Variants in NECTIN2 observed in about 807,000 individuals in gnomAD.
NECTIN2 encodes the protein nectin cell adhesion molecule 2.
In NECTIN2, 23 loss-of-function variants were observed where a neutral mutation model predicts 56.9. That is an observed-to-expected ratio of 0.40 (90% CI 0.29 to 0.57). The LOEUF (loss-of-function observed/expected upper bound fraction) is 0.57, where lower values mean the gene tolerates loss of function less well. NECTIN2 is among the 20% of genes least tolerant of loss of function. The probability of loss-of-function intolerance (pLI) is 0.38; values close to 1 mark genes in which losing one functional copy is unlikely to be tolerated. For synonymous variants in NECTIN2, 302 were observed against 313.8 expected (o/e 0.96, Z 0.40); for missense variants, 587 against 718.3 (o/e 0.82, Z 2.09).
At chr19:44,858,553 C>T (rs2122644696) in intron 1 of NECTIN2, among the ~76,000 whole-genome samples, 1 of 152,044 alleles carries the variant, frequency 6.6e-6, no homozygotes, top group South Asian at 2.1e-4. Flanking sequence ...GAACTCCTGA[C>T]CTCAGGGTGA....
intron 5 of NECTIN2, among the ~76,000 whole-genome samples, chr19:44,881,203 A>G (rs1969304250): frequency 6.6e-6 from 1 of 151,898 alleles, no homozygotes; most frequent in Non-Finnish European, 1.5e-5. Flanking sequence ...TCACTGCCCC[A>G]AGCCCTAACC....
At chr19:44,873,414 C>T (rs922576515) in intron 3 of NECTIN2, among the ~76,000 whole-genome samples, 2 of 152,166 alleles carry the variant, frequency 1.3e-5, no homozygotes, top group African/African-American at 4.8e-5. Context: ...GGGCAGATCA[C>T]TTGAGGTCAG....
intron 1 of NECTIN2, among the ~76,000 whole-genome samples, chr19:44,855,556 G>A (rs190322742): frequency 3.9e-5 from 6 of 151,986 alleles, no homozygotes; most frequent in African/African-American, 1.2e-4. Context: ...TTCGTTCATC[G>A]TCCCTCCCTC....
intron 5 of NECTIN2, among the ~76,000 whole-genome samples, chr19:44,880,799 G>A (rs1444680450): frequency 6.7e-6 from 1 of 148,174 alleles, no homozygotes; most frequent in Non-Finnish European, 1.5e-5. Flanking sequence ...TTTTAAGACG[G>A]AGTTTCACTC....
intron 1 of NECTIN2, among the ~76,000 whole-genome samples, chr19:44,848,553 T>G (rs888225314): frequency 2.6e-5 from 4 of 152,108 alleles, no homozygotes; most frequent in Non-Finnish European, 5.9e-5. Flanking sequence ...TGATTCCCTG[T>G]GAAACCTCTT....
intron 8 of NECTIN2, among the ~76,000 whole-genome samples, chr19:44,887,596 G>A (rs763409892): frequency 5.9e-5 from 9 of 152,156 alleles, no homozygotes; most frequent in Non-Finnish European, 1.3e-4. Context: ...AGTGAGCCCA[G>A]ATTGCACCAT....
At chr19:44,884,032 G>T (rs977269453) in intron 6 of NECTIN2, among the ~76,000 whole-genome samples, 2 of 151,870 alleles carry the variant, frequency 1.3e-5, no homozygotes, top group African/African-American at 4.8e-5. Flanking sequence ...AGGTGGGGGT[G>T]GGGGCATGTG....
At chr19:44,847,403 C>A (rs1381501512) in intron 1 of NECTIN2, among the ~76,000 whole-genome samples, 1 of 151,980 alleles carries the variant, frequency 6.6e-6, no homozygotes. Flanking sequence ...CAGGGGGCTT[C>A]GTTTTCAGGG....
intron 6 of NECTIN2, among the ~76,000 whole-genome samples, chr19:44,885,331 A>AATT (rs1969349384): frequency 4.2e-5 from 5 of 118,584 alleles, no homozygotes; most frequent in Admixed American, 9.3e-5. Context: ...TTTTTTTTTA[A>AATT]TTTGAGATGG....
At chr19:44,881,162 C>A (rs1292397381) in intron 5 of NECTIN2, among the ~76,000 whole-genome samples, 1 of 152,056 alleles carries the variant, frequency 6.6e-6, no homozygotes, top group Non-Finnish European at 1.5e-5. Context: ...CCCGCCTCGC[C>A]CTCCCAAAGC....
At chr19:44,857,124 T>C (rs936048377) in intron 1 of NECTIN2, among the ~76,000 whole-genome samples, 1 of 151,788 alleles carries the variant, frequency 6.6e-6, no homozygotes, top group African/African-American at 2.4e-5. Flanking sequence ...ATTCAGAAAA[T>C]AGGATTAAGT....
chr19:44,847,767 T>G (rs1243382524), intron 1 of NECTIN2, among the ~76,000 whole-genome samples: 1 of 152,118 alleles, frequency 6.6e-6, no homozygotes, highest in Non-Finnish European at 1.5e-5. Context: ...CTCCCCGGTT[T>G]CGGGACCTTA....
At chr19:44,863,132 G>A (rs570472770) in intron 1 of NECTIN2, among the ~76,000 whole-genome samples, 45 of 151,562 alleles carry the variant, frequency 3.0e-4, no homozygotes, top group African/African-American at 8.5e-4. Flanking sequence ...ACTGCACTCC[G>A]GCCTGGGCAA....
In NECTIN2 at chr19:44,865,330, G is replaced by A. The variant is rs373335144; in HGVS notation, c.148G>A (p.Val50Met). 51 of 1,613,942 alleles carry A rather than the reference G, an allele frequency of 3.2e-5. No homozygotes were observed. In the Admixed American group the frequency reaches 3.3e-4, roughly 11 times the overall value. Residue 50 changes from valine (V) to methionine (M), a missense_variant, in exon 2 of 9, where the codon GTG becomes ATG. Coordinates refer to ENST00000252483, the MANE Select transcript of NECTIN2 (RefSeq NM_001042724.2). The surrounding 1 kb of genome is among the most constrained non-coding windows in gnomAD (Gnocchi z 5.2). ...GGTGCGAGGCCAGCTCGGGGGCACC[G>A]TGGAGCTGCCGTGCCACCTGCTGCC... ...PEVRGQLGGT[V>M]ELPCHLLPPV...
At chr19:44,880,433 G>A (rs991340106) in intron 5 of NECTIN2, among the ~76,000 whole-genome samples, 17 of 148,672 alleles carry the variant, frequency 1.1e-4, no homozygotes, top group Non-Finnish European at 1.2e-4. Flanking sequence ...AGGCCCAGGA[G>A]CAAACAGGCT....
intron 1 of NECTIN2, among the ~76,000 whole-genome samples, chr19:44,852,686 G>C (rs1968914965): frequency 1.3e-5 from 2 of 152,124 alleles, no homozygotes; most frequent in African/African-American, 2.4e-5. Context: ...CAGTGGATTA[G>C]ACCAGGGCAG....
intron 2 of NECTIN2, among the ~76,000 whole-genome samples, chr19:44,868,639 C>A (rs979579334): frequency 6.6e-6 from 1 of 151,618 alleles, no homozygotes; most frequent in Non-Finnish European, 1.5e-5. Context: ...TGAGGCTGGG[C>A]GTGGTGGCTC....
At chr19:44,879,495 C>T (rs1005055394) in intron 5 of NECTIN2, among the ~76,000 whole-genome samples, 2 of 151,962 alleles carry the variant, frequency 1.3e-5, no homozygotes, top group Non-Finnish European at 2.9e-5. Context: ...CTGGGGAAGT[C>T]CCACCTCTGG....
At position 44,846,502 on chromosome 19, in the gene NECTIN2, G is replaced by C. The variant is rs902966909; in HGVS notation, c.-24G>C. 13 of 1,476,028 alleles carry C rather than the reference G, an allele frequency of 8.8e-6. No homozygotes were observed. In the African/African-American group the frequency reaches 1.6e-4, roughly 18 times the overall value. 91.4% of individuals were successfully genotyped at this position (1,476,028 alleles called of 1,614,324 possible). ...GAGTGGCCCGCGGGCCTCCGGCCGG[G>C]CCCAGTCCCCTCCCGGGCCCTCCAT... On this transcript the variant is annotated 5_prime_UTR_variant, in exon 1 of 9. Coordinates refer to ENST00000252483, the MANE Select transcript of NECTIN2 (RefSeq NM_001042724.2).
Sources: gnomAD v4.1 joint callset for allele counts (sites outside exome capture counted in the v4.1 genomes callset) on GRCh38, gnomAD v4.1.1 for gene constraint, Gnocchi (gnomAD v3.1) non-coding constraint, MANE v1.5 for transcripts, NCBI Gene and HGNC (gene_info 2026-07-23, HGNC 2026-07-21) for gene names.